Variants in UGT1A8 observed in about 807,000 individuals in gnomAD.
UGT1A8 encodes UDP glucuronosyltransferase family 1 member A8, also known as UDP-glucuronosyltransferase 1A8.
A neutral mutation model predicts 45.3 loss-of-function variants in UGT1A8; 39 were observed. The ratio of observed to expected loss-of-function variants is 0.86; its 90% CI spans 0.67 to 1.12. UGT1A8 has a LOEUF of 1.12. Among genes scored for constraint, UGT1A8 ranks in the 50% most tolerant of loss-of-function variants. The pLI, the probability that UGT1A8 is intolerant of heterozygous loss-of-function variation, is 0.00. For missense variants in UGT1A8, 719 were observed against 664.9 expected, an observed-to-expected ratio of 1.08 and a Z score of -0.90; for synonymous variants, 275 against 249.2, an observed-to-expected ratio of 1.10 and a Z score of -0.97.
chr2:233,682,311 G>A (rs770311542), intron 1 of UGT1A8: 2 of 1,613,908 alleles, frequency 1.2e-6, no homozygotes, highest in East Asian at 2.2e-5. Context: ...TCAAATTGCA[G>A]GAGTTTGTTT....
intron 1 of UGT1A8, among the ~76,000 whole-genome samples, chr2:233,647,414 C>G (rs918153982): frequency 6.6e-6 from 1 of 152,154 alleles, no homozygotes; most frequent in African/African-American, 2.4e-5. Context: ...TGAATTAGGG[C>G]ATTTCACATC....
chr2:233,744,535 T>A (rs2125863859), intron 1 of UGT1A8, among the ~76,000 whole-genome samples: 1 of 152,076 alleles, frequency 6.6e-6, no homozygotes, highest in East Asian at 1.9e-4. Flanking sequence ...TATTTTTATG[T>A]AAATTTTATT....
At chr2:233,648,978 G>A in intron 1 of UGT1A8, 1 of 1,436,774 alleles carries the variant, frequency 7.0e-7, no homozygotes, top group East Asian at 2.5e-5. Flanking sequence ...TGCCCAATAT[G>A]ATCTTCATTG....
chr2:233,729,567 T>C (rs764515587), intron 1 of UGT1A8: 23 of 1,614,054 alleles, frequency 1.4e-5, no homozygotes, highest in Non-Finnish European at 1.7e-5. Flanking sequence ...CTTCCTTTGA[T>C]GTGGTTTTAA....
intron 1 of UGT1A8, among the ~76,000 whole-genome samples, chr2:233,683,181 A>G (rs527983544): frequency 2.6e-5 from 4 of 152,152 alleles, no homozygotes; most frequent in African/African-American, 4.8e-5. Flanking sequence ...ATGTATATGC[A>G]TATATTTAGG....
chr2:233,623,816 C>T (rs2073052709), intron 1 of UGT1A8, among the ~76,000 whole-genome samples: 1 of 152,112 alleles, frequency 6.6e-6, no homozygotes, highest in African/African-American at 2.4e-5. Context: ...ATAGTCTCTT[C>T]AACAGAAGAC....
intron 1 of UGT1A8, among the ~76,000 whole-genome samples, chr2:233,661,606 A>C (rs1330316154): frequency 7.7e-6 from 1 of 129,828 alleles, no homozygotes; most frequent in African/African-American, 2.7e-5. Flanking sequence ...GCATCACTGC[A>C]GTGAAGACTT....
chr2:233,769,811 T>C lies in UGT1A8; in HGVS notation c.1295+1372T>C. 9.8e-7 allele frequency: 1 copy of C among 1,015,422 alleles called. No individual in the cohort carries two copies. The highest frequency in any genetic ancestry group is 2.2e-5 in the South Asian group (1 of 46,182). The allele number at this position is 1,015,422 out of a possible 1,614,324, so 62.9% of individuals were successfully genotyped here. A position where few individuals can be genotyped will look rare whatever the true frequency, so the allele number is the denominator to read the frequency against. On this transcript the variant is annotated intron_variant, in intron 4 of 4. Transcript: ENST00000373450. This position sits in a 1 kb window ranked among gnomAD's most constrained non-coding sequence, Gnocchi z 4.4. ...TGGAGGCTGCTATGAGCCGTGATCA[T>C]GCCACTGCACTCCAGCAACCTGGGC...
chr2:233,634,032 G>T (rs1160894109), intron 1 of UGT1A8, among the ~76,000 whole-genome samples: 1 of 152,180 alleles, frequency 6.6e-6, no homozygotes, highest in Non-Finnish European at 1.5e-5. Context: ...TGGTTTCAAA[G>T]AACTTATTTA....
At chr2:233,638,032 A>G (rs370018808) in intron 1 of UGT1A8, among the ~76,000 whole-genome samples, 2 of 152,138 alleles carry the variant, frequency 1.3e-5, no homozygotes, top group African/African-American at 2.4e-5. Context: ...ACACTCTTCA[A>G]TACTTTCCTT....
intron 1 of UGT1A8, chr2:233,743,488 G>A: frequency 1.5e-6 from 2 of 1,367,106 alleles, no homozygotes; most frequent in African/African-American, 3.0e-5. Context: ...TTCACTGAAG[G>A]CAGAGAAAAG....
intron 1 of UGT1A8, chr2:233,744,077 T>C: frequency 4.4e-6 from 2 of 457,126 alleles, no homozygotes; most frequent in Non-Finnish European, 7.3e-6. Flanking sequence ...GCGCCTCGCA[T>C]CCCAAGATGC....
At chr2:233,664,121 G>A (rs1441708633) in intron 1 of UGT1A8, among the ~76,000 whole-genome samples, 2 of 152,136 alleles carry the variant, frequency 1.3e-5, no homozygotes, top group Non-Finnish European at 2.9e-5. Flanking sequence ...GGCATAGCAA[G>A]GGTGACCTTT....
chr2:233,629,206 A>C (rs1459528148), intron 1 of UGT1A8, among the ~76,000 whole-genome samples: 1 of 152,182 alleles, frequency 6.6e-6, no homozygotes, highest in East Asian at 1.9e-4. Context: ...TATAAGTAGA[A>C]TCATACAGCA....
Position 233,636,843 on chromosome 2 carries a change from T to C in UGT1A8, c.855+18281T>C, listed in dbSNP as rs375891944. ...AAGCACAGGCACAAAGTATATTTTCTCTATTAATGAGTTCATCCAGTGGTT... is the reference window on the plus strand; with the variant it reads ...AAGCACAGGCACAAAGTATATTTTCCCTATTAATGAGTTCATCCAGTGGTT... On this transcript the variant is annotated intron_variant, in intron 1 of 4. Transcript: ENST00000373450. 4.3e-6 allele frequency: 7 copies of C among 1,614,108 alleles called. No individual in the cohort carries two copies. In the African/African-American group the frequency reaches 9.3e-5, roughly 22 times the overall value.
intron 1 of UGT1A8, among the ~76,000 whole-genome samples, chr2:233,698,148 C>T (rs1209454393): frequency 6.6e-6 from 1 of 152,182 alleles, no homozygotes; most frequent in Non-Finnish European, 1.5e-5. Context: ...ACTGTATTCC[C>T]AGCATGTCGT....
At chr2:233,738,244 T>C (rs1690738157) in intron 1 of UGT1A8, among the ~76,000 whole-genome samples, 1 of 152,224 alleles carries the variant, frequency 6.6e-6, no homozygotes, top group Non-Finnish European at 1.5e-5. Context: ...TCCAGCCACA[T>C]GGAACTGGAG....
intron 1 of UGT1A8, among the ~76,000 whole-genome samples, chr2:233,765,979 GCTC>G (rs2126021756): frequency 6.6e-6 from 1 of 152,256 alleles, no homozygotes; most frequent in Middle Eastern, 3.4e-3. Flanking sequence ...GATGTTTACA[GCTC>G]CTGAAGCTCC....
At chr2:233,645,732 C>T (rs541741135) in intron 1 of UGT1A8, among the ~76,000 whole-genome samples, 53 of 152,332 alleles carry the variant, frequency 3.5e-4, no homozygotes, top group Non-Finnish European at 6.6e-4. Context: ...CAGCTCCACC[C>T]CTGTGGCTTT....
Sources: allele counts gnomAD v4.1 joint callset (sites outside exome capture counted in the v4.1 genomes callset), GRCh38; gene constraint gnomAD v4.1.1; non-coding constraint Gnocchi (gnomAD v3.1); transcripts MANE v1.5; gene names NCBI Gene and HGNC (gene_info 2026-07-23, HGNC 2026-07-21).